The following PPP2R2B variants were observed in gnomAD, a reference collection of about 807,000 sequenced individuals.
The protein encoded by PPP2R2B is serine/threonine-protein phosphatase 2A 55 kDa regulatory subunit B beta isoform.
Under a neutral mutation model 46.0 loss-of-function variants are expected in PPP2R2B, and 5 were observed. That is an observed-to-expected ratio of 0.11 (90% confidence interval 0.06 to 0.23). The LOEUF is 0.23. PPP2R2B is among the 10% of genes least tolerant of loss of function. The pLI is 1.00. For missense variants in PPP2R2B, 367 were observed against 575.0 expected (o/e 0.64, Z 3.70); for synonymous variants, 215 against 206.7 (o/e 1.04, Z -0.34).
chr5:146,601,627 C>T (rs1424444774), intron 7 of PPP2R2B, among the ~76,000 whole-genome samples: 1 of 152,172 alleles, frequency 6.6e-6, no homozygotes, highest in African/African-American at 2.4e-5. Context: ...TGTTGTGTGA[C>T]CTTAGGCAAG....
intron 1 of PPP2R2B, among the ~76,000 whole-genome samples, chr5:146,916,293 GTT>G (rs5871996): frequency 3.5e-5 from 5 of 141,950 alleles, no homozygotes; most frequent in Non-Finnish European, 6.2e-5. Flanking sequence ...TGTTACCACC[GTT>G]TTTTTTTTTT....
At chr5:146,967,661 C>T (rs1420643814) in intron 1 of PPP2R2B, among the ~76,000 whole-genome samples, 1 of 152,138 alleles carries the variant, frequency 6.6e-6, no homozygotes, top group African/African-American at 2.4e-5. Flanking sequence ...TCAGGGGCAG[C>T]CCCACTCAGT....
In PPP2R2B at chr5:146,895,740, T is replaced by C. The variant is rs1221165788; in HGVS notation, c.79+159925A>G. ...TTTTCATACTATTTTGTAATATGTT[T>C]ATGGCTTCTCTTGAAATAAATGTCA... On this transcript the variant is annotated intron_variant, in intron 1 of 8. Coordinates refer to the PPP2R2B transcript ENST00000336640. Among the ~76,000 whole-genome samples, 3 of 152,212 alleles carry C rather than the reference T, an allele frequency of 2.0e-5. No homozygotes were observed. The East Asian group carries it at 5.8e-4, about 29-fold the overall frequency.
At chr5:146,852,145 C>T (rs1199888348) in intron 2 of PPP2R2B, among the ~76,000 whole-genome samples, 1 of 152,074 alleles carries the variant, frequency 6.6e-6, no homozygotes, top group Non-Finnish European at 1.5e-5. Context: ...TAACAGCATC[C>T]TCTTCATTCC....
intron 2 of PPP2R2B, among the ~76,000 whole-genome samples, chr5:146,862,692 A>C (rs1761073157): frequency 6.6e-6 from 1 of 152,108 alleles, no homozygotes. Context: ...CAGGCAGGAA[A>C]CATGAAGGTT....
chr5:146,780,562 T>G (rs1280637396), intron 2 of PPP2R2B, among the ~76,000 whole-genome samples: 4 of 152,226 alleles, frequency 2.6e-5, no homozygotes, highest in Non-Finnish European at 2.9e-5. Context: ...ACAATTATCT[T>G]TGGCATATTC....
intron 2 of PPP2R2B, among the ~76,000 whole-genome samples, chr5:146,743,973 G>A (rs961669605): frequency 1.1e-4 from 17 of 152,146 alleles, no homozygotes; most frequent in Non-Finnish European, 2.1e-4. Context: ...TCACAGGTTA[G>A]CAGGCAGAAA....
chr5:146,638,631 C>G (rs1774983650), intron 6 of PPP2R2B, among the ~76,000 whole-genome samples: 1 of 152,186 alleles, frequency 6.6e-6, no homozygotes, highest in South Asian at 2.1e-4. Flanking sequence ...AGCATTAGAA[C>G]TCAGGTCTCT....
chr5:146,918,187 T>C (rs999132087), intron 1 of PPP2R2B, among the ~76,000 whole-genome samples: 6 of 152,186 alleles, frequency 3.9e-5, no homozygotes, highest in African/African-American at 1.4e-4. Context: ...GAATTCACTG[T>C]GGAGGTAGCA....
intron 2 of PPP2R2B, among the ~76,000 whole-genome samples, chr5:147,069,785 G>GTTTTTTTTTTTCTTTTTTTTTTTT (rs1757523548): frequency 1.5e-5 from 1 of 64,786 alleles, no homozygotes; most frequent in African/African-American, 7.5e-5. Flanking sequence ...ATTTTATACT[G>GTTTTTTTTTTTCTTTTTTTTTTTT]TTTTTTTTTT....
At chr5:146,807,776 C>CTTT (rs10583721) in intron 2 of PPP2R2B, among the ~76,000 whole-genome samples, 591 of 36,912 alleles carry the variant, frequency 0.016, 210 homozygotes, top group South Asian at 0.026. Flanking sequence ...GGGGTGCCTT[C>CTTT]TTTTTTTTTT....
At chr5:146,964,761 G>A (rs755272527) in intron 1 of PPP2R2B, among the ~76,000 whole-genome samples, 1 of 151,962 alleles carries the variant, frequency 6.6e-6, no homozygotes, top group Non-Finnish European at 1.5e-5. Context: ...TCCTGACCTC[G>A]TGATCCACCT....
intron 2 of PPP2R2B, among the ~76,000 whole-genome samples, chr5:146,769,401 T>C (rs1239133316): frequency 6.6e-6 from 1 of 152,198 alleles, no homozygotes; most frequent in African/African-American, 2.4e-5. Flanking sequence ...AGGCTAAAGT[T>C]TGCGCAGTTC....
At position 146,929,181 on chromosome 5, in the gene PPP2R2B, C is replaced by T. The variant is rs376119656; in HGVS notation, c.79+126484G>A. Reference sequence around the variant, plus strand: ...TCCACATCCCTCTCACTCATTCCCACATTTCTGTTCTTTTCACAGCATATT... The same window carrying T: ...TCCACATCCCTCTCACTCATTCCCATATTTCTGTTCTTTTCACAGCATATT... On this transcript the variant is annotated intron_variant, in intron 1 of 8. Transcript: ENST00000336640. 3.9e-5 allele frequency among the ~76,000 whole-genome samples: 6 copies of T among 152,170 alleles called. 1 individual carries two copies. The South Asian group carries it at 1.2e-3, about 32-fold the overall frequency.
chr5:147,058,266 T>C (rs1757152344), upstream of PPP2R2B, among the ~76,000 whole-genome samples: 1 of 152,212 alleles, frequency 6.6e-6, no homozygotes, highest in African/African-American at 2.4e-5. Flanking sequence ...ATGAAGTGGA[T>C]TTGAGCCTAT....
intron 1 of PPP2R2B, among the ~76,000 whole-genome samples, chr5:146,888,446 C>A (rs556315756): frequency 1.3e-5 from 2 of 152,178 alleles, no homozygotes; most frequent in Non-Finnish European, 2.9e-5. Flanking sequence ...CATGCTCCAA[C>A]TATCATCCTA....
At chr5:146,639,716 G>A (rs1282990364) in intron 6 of PPP2R2B, among the ~76,000 whole-genome samples, 1 of 152,180 alleles carries the variant, frequency 6.6e-6, no homozygotes, top group Non-Finnish European at 1.5e-5. Context: ...TCATCAGATA[G>A]TACTTTTTAC....
intron 1 of PPP2R2B, among the ~76,000 whole-genome samples, chr5:147,042,318 C>T (rs532368755): frequency 2.0e-5 from 3 of 152,192 alleles, no homozygotes; most frequent in East Asian, 1.9e-4. Flanking sequence ...TCTTGGCTGC[C>T]GGCTAAACAA....
chr5:146,701,284 T>C, intron 2 of PPP2R2B, 142 bp from the exon 3 acceptor site: 1 of 846,746 alleles, frequency 1.2e-6, no homozygotes, highest in Non-Finnish European at 2.0e-6. Flanking sequence ...TGTTCTGGGT[T>C]TTAAATGCCA....
Sources: allele counts gnomAD v4.1 joint callset (sites outside exome capture counted in the v4.1 genomes callset), GRCh38; gene constraint gnomAD v4.1.1; transcripts MANE v1.5; gene names NCBI Gene and HGNC (gene_info 2026-07-23, HGNC 2026-07-21).